Variants in HEXD observed in about 807,000 individuals in gnomAD.
HEXD encodes the protein hexosaminidase D.
In HEXD, 47 loss-of-function variants were observed where a neutral mutation model predicts 54.2. That is an observed-to-expected ratio of 0.87 (90% CI 0.69 to 1.11). The LOEUF (loss-of-function observed/expected upper bound fraction) is 1.11. Among genes scored for constraint, HEXD ranks in the 50% least tolerant of loss-of-function variants. The pLI, the probability that HEXD is intolerant of heterozygous loss-of-function variation, is 0.00. For synonymous variants in HEXD, 293 were observed against 287.6 expected (o/e 1.02, Z -0.19); for missense variants, 576 against 649.2 (o/e 0.89, Z 1.23).
intron 4 of HEXD, among the ~76,000 whole-genome samples, chr17:82,432,675 C>A (rs2143526208): frequency 6.6e-6 from 1 of 152,116 alleles, no homozygotes; most frequent in South Asian, 2.1e-4. Context: ...TTCCTAGGCT[C>A]CAGTGATCTT....
In HEXD at chr17:82,435,729, T is replaced by C. The variant is rs1160404012; in HGVS notation, c.488T>C (p.Leu163Pro). The C allele has an allele frequency of 1.2e-6, 2 of 1,612,682 alleles. No homozygotes were observed. Among genetic ancestry groups the C allele is most frequent in the Admixed American group, 1.7e-5 (1 of 59,994 alleles). ...GAGGGGGAGGCCTCGCGCCGGTGGC[T>C]ACAGCAAGAGCAGAACAGCACGGGG... ...LGEGEASRRW[L>P]QQEQNSTGKL... Residue 163 changes from leucine to proline, a missense_variant, in exon 6 of 13, where the codon CTA (leucine) becomes CCA (proline). By Grantham distance (98) the Leu-to-Pro change is moderately conservative (BLOSUM62 -3). Transcript: ENST00000327949.
chr17:82,442,612 T>C lies in HEXD; in HGVS notation c.*228T>C. The C allele has an allele frequency of 5.8e-6, 9 of 1,546,780 alleles. No individual in the cohort carries two copies. Among genetic ancestry groups the C allele is most frequent in the Non-Finnish European group, 7.9e-6 (9 of 1,140,030 alleles). On this transcript the variant is annotated 3_prime_UTR_variant, in exon 13 of 13. Transcript: ENST00000327949. This position sits in a 1 kb window ranked among gnomAD's most constrained non-coding sequence, Gnocchi z 6.8. The stretch of plus-strand genomic sequence containing the variant: ...TTGTGATCTGCATGTGTGACACTGA[T>C]TCTTTGGAAATAAAGAGTGGAAGCT...
chr17:82,432,864 C>T (rs528074485), intron 4 of HEXD, among the ~76,000 whole-genome samples: 9 of 144,908 alleles, frequency 6.2e-5, no homozygotes, highest in African/African-American at 2.1e-4. Flanking sequence ...GAGATCGAGA[C>T]CATCCTGGCT....
In HEXD at chr17:82,442,184, GCA is replaced by G. The variant is rs1198243591; in HGVS notation, c.1264_1265del (p.Gln422ValfsTer121). On this transcript the variant is annotated frameshift_variant, in exon 13 of 13. Transcript: ENST00000327949. LOFTEE classifies it low-confidence loss of function (END_TRUNC). The surrounding 1 kb of genome is among the most constrained non-coding windows in gnomAD (Gnocchi z 6.8). Reference protein sequence around the residue: ...HIQPAALSLLAQWSTLVQELE... With the variant: ...HIQPAALSLLXQWSTLVQELE... ...TGGCGCCCTCACCTGCAGCCTCCTG[GCA>G]CAGTGGAGCACCCTCGTGCAGGAGC... 3.1e-6 allele frequency: 5 copies of G among 1,598,790 alleles called. No individual in the cohort carries two copies. Among genetic ancestry groups the G allele is most frequent in the Non-Finnish European group, 4.2e-6 (5 of 1,176,586 alleles).
chr17:82,442,481 CT>C lies in HEXD; in HGVS notation c.*98del, dbSNP rs781126248. Reference sequence around the variant, plus strand: ...TACGGGCCCACGTGGGCGTCGTGCCCTCTGGCCCAGCAGTGTCTTGCCCACA... The same window carrying C: ...TACGGGCCCACGTGGGCGTCGTGCCCCTGGCCCAGCAGTGTCTTGCCCACA... On this transcript the variant is annotated 3_prime_UTR_variant, in exon 13 of 13. Coordinates refer to ENST00000327949, the MANE Select transcript of HEXD (RefSeq NM_001330542.2). This position sits in a 1 kb window ranked among gnomAD's most constrained non-coding sequence, Gnocchi z 6.8. 6.2e-7 allele frequency: 1 copy of C among 1,605,308 alleles called. No homozygotes were observed. Among genetic ancestry groups the C allele is most frequent in the Non-Finnish European group, 8.5e-7 (1 of 1,173,500 alleles).
In HEXD at chr17:82,418,565, G is replaced by A. The variant is rs531306290; in HGVS notation, c.-227G>A. On this transcript the variant is annotated 5_prime_UTR_variant, in exon 1 of 13. Coordinates refer to ENST00000327949, the MANE Select transcript of HEXD (RefSeq NM_001330542.2). Reference sequence around the variant, plus strand: ...ACGCCGTAACAGGGAGCGCGAGGCAGGCACGGCGCAGGGACGCGAGTGCGA... The same window carrying A: ...ACGCCGTAACAGGGAGCGCGAGGCAAGCACGGCGCAGGGACGCGAGTGCGA... 908 of 777,798 alleles carry A rather than the reference G, an allele frequency of 1.2e-3. 7 individuals carry two copies. The African/African-American group carries it at 0.015, about 13-fold the overall frequency. 48.2% of individuals were successfully genotyped at this position (777,798 alleles called of 1,614,324 possible). A position where few individuals can be genotyped will look rare whatever the true frequency, so the allele number is the denominator to read the frequency against.
intron 2 of HEXD, among the ~76,000 whole-genome samples, chr17:82,421,708 C>T (rs1020432736): frequency 6.6e-6 from 1 of 152,068 alleles, no homozygotes; most frequent in Non-Finnish European, 1.5e-5. Context: ...TGCCTGTAGT[C>T]CCAGCTACTT....
chr17:82,441,628 C>T (rs1027453921), intron 11 of HEXD, among the ~76,000 whole-genome samples, 172 bp from the exon 12 acceptor site: 27 of 152,000 alleles, frequency 1.8e-4, no homozygotes, highest in Non-Finnish European at 3.4e-4. Context: ...GTTCACAAGT[C>T]CCCCCACTCC....
At chr17:82,420,055 A>G in intron 2 of HEXD, 172 bp downstream of exon 2, 1 of 400,634 alleles carries the variant, frequency 2.5e-6, no homozygotes. Flanking sequence ...GCCTCTCACA[A>G]AAACAGAACA....
chr17:82,424,649 T>C, intron 3 of HEXD, 146 bp downstream of exon 3: 1 of 577,678 alleles, frequency 1.7e-6, no homozygotes, highest in Non-Finnish European at 3.1e-6. Flanking sequence ...TTTGTCTTTT[T>C]AAATTCATCT....
At position 82,440,227 on chromosome 17, in the gene HEXD, A is replaced by T. The variant is rs201114354; in HGVS notation, c.982+514A>T. ...CTGTGTGTGTGGAAACTCGCAGGCC[A>T]CACGGGAAATTAGCGACTGCGTGGT... On this transcript the variant is annotated intron_variant, in intron 9 of 12. Coordinates refer to ENST00000327949, the MANE Select transcript of HEXD (RefSeq NM_001330542.2). 64 of 1,289,346 alleles carry T rather than the reference A, an allele frequency of 5.0e-5. No individual in the cohort carries two copies. In the East Asian group the frequency reaches 3.0e-3, roughly 61 times the overall value. 79.9% of individuals were successfully genotyped at this position (1,289,346 alleles called of 1,614,324 possible).
intron 4 of HEXD, among the ~76,000 whole-genome samples, chr17:82,432,785 T>C (rs979314696): frequency 1.3e-4 from 19 of 151,958 alleles, no homozygotes; most frequent in South Asian, 4.2e-4. Context: ...AATTTATGGC[T>C]GGGTGCAGTG....
intron 8 of HEXD, among the ~76,000 whole-genome samples, chr17:82,438,114 A>AT (rs2053825302): frequency 6.6e-6 from 1 of 152,056 alleles, no homozygotes; most frequent in South Asian, 2.1e-4. Context: ...GCACGCGCCT[A>AT]TGATCCTAGC....
In HEXD at chr17:82,442,058, G is replaced by A; in HGVS notation, c.1254-119G>A. ...GACTTGTTCCTCCCGACATGCCGAT[G>A]AGGTAGGGTCAGTAGCCCCATTTCA... On this transcript the variant is annotated intron_variant, in intron 12 of 12. Transcript: ENST00000327949. The surrounding 1 kb of genome is among the most constrained non-coding windows in gnomAD (Gnocchi z 6.8). The A allele has an allele frequency of 7.3e-7, 1 of 1,372,718 alleles. No individual in the cohort carries two copies. The highest frequency in any genetic ancestry group is 2.3e-5 in the East Asian group (1 of 43,006). The allele number at this position is 1,372,718 out of a possible 1,614,324, so 85.0% of individuals were successfully genotyped here.
At position 82,437,164 on chromosome 17, in the gene HEXD, C is replaced by G; in HGVS notation, c.704-4C>G. 1 of 1,576,906 alleles carries G rather than the reference C, an allele frequency of 6.3e-7. No homozygotes were observed. The highest frequency in any genetic ancestry group is 8.6e-7 in the Non-Finnish European group (1 of 1,156,504). On this transcript the variant is annotated splice_region_variant and splice_polypyrimidine_tract_variant and intron_variant, in intron 7 of 12. Coordinates refer to ENST00000327949, the MANE Select transcript of HEXD (RefSeq NM_001330542.2). ...GCCACTCACCTGTTTGCTTTCTCACCCAGTCCTCCTCATGCAGAAGTACCG... is the reference window on the plus strand; with the variant it reads ...GCCACTCACCTGTTTGCTTTCTCACGCAGTCCTCCTCATGCAGAAGTACCG...
rs374654765 is a variant in HEXD, at chr17:82,428,951, T to C, written c.282+306T>C. Among the ~76,000 whole-genome samples the C allele has an allele frequency of 2.0e-5, 3 of 152,002 alleles. No individual in the cohort carries two copies. The East Asian group carries it at 5.8e-4, about 29-fold the overall frequency. ...TATTATGTGAGGTAAAACACAGTATTAGGGAAAGAAAAGGTGCTTTTCAGG... is the reference window on the plus strand; with the variant it reads ...TATTATGTGAGGTAAAACACAGTATCAGGGAAAGAAAAGGTGCTTTTCAGG... On this transcript the variant is annotated intron_variant, in intron 4 of 12. Transcript: ENST00000327949.
intron 8 of HEXD, 137 bp downstream of exon 8, chr17:82,437,500 G>A (rs1341793213): frequency 6.7e-6 from 5 of 742,982 alleles, no homozygotes; most frequent in Non-Finnish European, 1.0e-5. Flanking sequence ...AGGAGCTGCA[G>A]AAACAGCCAC....
chr17:82,433,820 G>A lies in HEXD; in HGVS notation c.445G>A (p.Glu149Lys). ...GAQRLHIGCD[E>K]VYYLGEGEAS... ...CCAGCGGCTGCACATCGGGTGTGAT[G>A]AGGTGGGTACTGTCACCCCAGCTCT... is the stretch of plus-strand genomic sequence containing the variant. The change falls in exon 5 of 13, where the codon GAG (glutamate) becomes AAG (lysine). Residue 149 changes from glutamate (E) to lysine (K), a missense_variant and splice_region_variant. Physicochemically the swap from Glu to Lys is moderately conservative, Grantham distance 56. Transcript: ENST00000327949. The A allele has an allele frequency of 6.2e-7, 1 of 1,611,512 alleles. No individual in the cohort carries two copies. Among genetic ancestry groups the A allele is most frequent in the Non-Finnish European group, 8.5e-7 (1 of 1,179,160 alleles).
chr17:82,419,675 A>C, intron 1 of HEXD, 74 bp from the exon 2 acceptor site: 1 of 573,714 alleles, frequency 1.7e-6, no homozygotes, highest in Non-Finnish European at 3.1e-6. Flanking sequence ...TCAGAACTGA[A>C]ACTGAAAGTA....
Sources: gnomAD v4.1 joint callset for allele counts (sites outside exome capture counted in the v4.1 genomes callset) on GRCh38, gnomAD v4.1.1 for gene constraint, Gnocchi (gnomAD v3.1) non-coding constraint, MANE v1.5 for transcripts, NCBI Gene and HGNC (gene_info 2026-07-23, HGNC 2026-07-21) for gene names.